Variants in SRC observed in about 807,000 individuals in gnomAD.
SRC encodes proto-oncogene tyrosine-protein kinase Src.
A neutral mutation model predicts 62.9 loss-of-function variants in SRC; 13 were observed. The ratio of observed to expected loss-of-function variants is 0.21; its 90% CI spans 0.13 to 0.33. SRC has a LOEUF of 0.33. Among genes scored for constraint, SRC ranks in the 10% least tolerant of loss-of-function variants. The pLI, the probability that SRC is intolerant of heterozygous loss-of-function variation, is 1.00. For missense variants in SRC, 457 were observed against 737.3 expected (o/e 0.62, Z 4.40); for synonymous variants, 302 against 317.5 (o/e 0.95, Z 0.52).
chr20:37,376,309 CATA>C (rs1364709585), intron 2 of SRC, among the ~76,000 whole-genome samples: 1 of 152,204 alleles, frequency 6.6e-6, no homozygotes, highest in East Asian at 1.9e-4. Flanking sequence ...CCACAGAAAT[CATA>C]ATAATAGCCA....
chr20:37,391,557 T>G (rs910304800), intron 5 of SRC, among the ~76,000 whole-genome samples: 1 of 152,148 alleles, frequency 6.6e-6, no homozygotes, highest in Non-Finnish European at 1.5e-5. Flanking sequence ...TCCCCAACTC[T>G]CTAAAGAAAG....
At chr20:37,350,798 A>G (rs534923332) in intron 1 of SRC, among the ~76,000 whole-genome samples, 2 of 152,354 alleles carry the variant, frequency 1.3e-5, no homozygotes, top group African/African-American at 4.8e-5. Context: ...TGTGTTGAGA[A>G]GCATTCTGAG....
intron 1 of SRC, among the ~76,000 whole-genome samples, chr20:37,361,364 T>C (rs1404279089): frequency 3.9e-5 from 6 of 152,040 alleles, no homozygotes; most frequent in South Asian, 4.2e-4. Context: ...ACCCATTTCA[T>C]GGATGAGTAA....
chr20:37,352,081 T>C (rs1302424496), intron 1 of SRC, among the ~76,000 whole-genome samples: 2 of 152,206 alleles, frequency 1.3e-5, no homozygotes, highest in Non-Finnish European at 2.9e-5. Context: ...TGAAGCCAGT[T>C]GGTTCTGGGT....
At chr20:37,391,502 C>T (rs1489410313) in intron 5 of SRC, among the ~76,000 whole-genome samples, 1 of 152,190 alleles carries the variant, frequency 6.6e-6, no homozygotes, top group Non-Finnish European at 1.5e-5. Flanking sequence ...TGAGTCCTTG[C>T]TTTGTAGCTT....
At chr20:37,401,993 T>C in intron 11 of SRC, 1 of 366,622 alleles carries the variant, frequency 2.7e-6, no homozygotes. Context: ...TAGGCAGTGG[T>C]CAACAAGCCT....
chr20:37,380,781 C>T (rs1446839195), intron 2 of SRC, among the ~76,000 whole-genome samples: 4 of 152,074 alleles, frequency 2.6e-5, no homozygotes, highest in Admixed American at 1.3e-4. Context: ...GTTGCTGTGA[C>T]GCTGGAAGGA....
chr20:37,386,211 G>A, intron 5 of SRC, 37 bp downstream of exon 5: 2 of 1,587,344 alleles, frequency 1.3e-6, no homozygotes, highest in Non-Finnish European at 1.7e-6. Flanking sequence ...TCAGGGCTGG[G>A]TGGTGGGACT....
Position 37,405,213 on chromosome 20 carries a change from G to A in SRC, c.*1834G>A, listed in dbSNP as rs1330877726. ...CAACTGCCTAAGGCCCTTTGTGTAAGGTGTCTTAATACTGTCCTTTTTTTT... is the reference window on the plus strand; with the variant it reads ...CAACTGCCTAAGGCCCTTTGTGTAAAGTGTCTTAATACTGTCCTTTTTTTT... On this transcript the variant is annotated 3_prime_UTR_variant, in exon 14 of 14. Coordinates refer to ENST00000373578, the MANE Select transcript of SRC (RefSeq NM_198291.3). 1 of 229,474 alleles carries A rather than the reference G, an allele frequency of 4.4e-6. No individual in the cohort carries two copies. The highest frequency in any genetic ancestry group is 8.6e-6 in the Non-Finnish European group (1 of 115,962). The allele number at this position is 229,474 out of a possible 1,614,324, so 14.2% of individuals were successfully genotyped here. A position where few individuals can be genotyped will look rare whatever the true frequency, so the allele number is the denominator to read the frequency against.
At chr20:37,372,373 T>G (rs1468971172) in intron 2 of SRC, among the ~76,000 whole-genome samples, 1 of 152,242 alleles carries the variant, frequency 6.6e-6, no homozygotes, top group African/African-American at 2.4e-5. Context: ...TTTGGATATG[T>G]TGTATCTTCA....
rs2070105792 is a variant in SRC at position 37,368,525 on chromosome 20, TTTTTTTTTTTTTTTTTTTG to T, written c.-173+3263_-173+3281del. On this transcript the variant is annotated intron_variant, in intron 2 of 13. Coordinates refer to ENST00000373578, the MANE Select transcript of SRC (RefSeq NM_198291.3). ...CATTTATGCCTATATTTTCTTTTTTTTTTTTTTTTTTTTTTTTTGTTTTTTTTTTTTTTGTTTTTTTTTT... is the reference window on the plus strand; with the variant it reads ...CATTTATGCCTATATTTTCTTTTTTTTTTTTTTTTTTTTTGTTTTTTTTTT... Among the ~76,000 whole-genome samples the T allele has an allele frequency of 4.2e-5, 5 of 119,036 alleles. No individual in the cohort carries two copies. The South Asian group carries it at 1.2e-3, about 29-fold the overall frequency. The allele number at this position is 119,036 out of a possible 152,430, so 78.1% of individuals were successfully genotyped here.
intron 9 of SRC, among the ~76,000 whole-genome samples, chr20:37,399,024 T>C (rs1230179910): frequency 2.6e-5 from 4 of 152,180 alleles, no homozygotes; most frequent in Non-Finnish European, 5.9e-5. Context: ...CATGCTGGTC[T>C]AGAATGCAGC....
At chr20:37,394,339 T>C in intron 7 of SRC, 62 bp downstream of exon 7, 1 of 1,466,804 alleles carries the variant, frequency 6.8e-7, no homozygotes, top group Admixed American at 1.7e-5. Flanking sequence ...GAGCTGGGTG[T>C]TGTGGAATGA....
intron 5 of SRC, among the ~76,000 whole-genome samples, chr20:37,389,012 A>G (rs1331120022): frequency 6.6e-6 from 1 of 151,992 alleles, no homozygotes; most frequent in Admixed American, 6.6e-5. Context: ...GCACGTGTGG[A>G]GGCTGGGCTG....
At chr20:37,347,428 A>G (rs1238008421) in intron 1 of SRC, among the ~76,000 whole-genome samples, 3 of 152,158 alleles carry the variant, frequency 2.0e-5, no homozygotes, top group Non-Finnish European at 4.4e-5. Flanking sequence ...GTGAAATGAG[A>G]ATCCTCAGGC....
intron 1 of SRC, among the ~76,000 whole-genome samples, chr20:37,352,084 T>C (rs936558780): frequency 1.3e-5 from 2 of 152,346 alleles, no homozygotes; most frequent in Admixed American, 1.3e-4. Context: ...AGCCAGTTGG[T>C]TCTGGGTTCA....
In SRC at chr20:37,384,666, CAA is replaced by C. The variant is rs1568635042; in HGVS notation, c.250+264_250+265del. Among the ~76,000 whole-genome samples, 1 of 151,776 alleles carries C rather than the reference CAA, an allele frequency of 6.6e-6. No homozygotes were observed. The highest frequency in any genetic ancestry group is 1.5e-5 in the Non-Finnish European group (1 of 67,920). ...TGGGTTCTAATTGGACGCTTAAGCC[CAA>C]GAAGAAGAAGGGCGGCGCGGGACCG... On this transcript the variant is annotated intron_variant, in intron 4 of 13. Transcript: ENST00000373578. This position sits in a 1 kb window ranked among gnomAD's most constrained non-coding sequence, Gnocchi z 6.7.
At chr20:37,344,971 T>C (rs568225862), upstream of SRC, 2 of 152,284 alleles carry the variant, frequency 1.3e-5, no homozygotes, top group East Asian at 1.9e-4. Flanking sequence ...CCTAGATCAG[T>C]GTAGAGTAAG....
chr20:37,396,327 AG>A lies in SRC; in HGVS notation c.703+19del, dbSNP rs765263728. The A allele has an allele frequency of 1.2e-6, 2 of 1,600,760 alleles. No homozygotes were observed. The highest frequency in any genetic ancestry group is 2.2e-5 in the South Asian group (2 of 90,924). On this transcript the variant is annotated intron_variant, in intron 8 of 13. Coordinates refer to ENST00000373578, the MANE Select transcript of SRC (RefSeq NM_198291.3). The surrounding 1 kb of genome is among the most constrained non-coding windows in gnomAD (Gnocchi z 6.1). The stretch of plus-strand genomic sequence containing the variant: ...TACTACTCCAGTGAGCCAGCCTCGG[AG>A]GGCGGAGGGCGGGCGGGCAAAGCCT...
Sources: gnomAD v4.1 joint callset for allele counts (sites outside exome capture counted in the v4.1 genomes callset) on GRCh38, gnomAD v4.1.1 for gene constraint, Gnocchi (gnomAD v3.1) non-coding constraint, MANE v1.5 for transcripts, NCBI Gene and HGNC (gene_info 2026-07-23, HGNC 2026-07-21) for gene names.